Variants in TMEM232 observed in about 807,000 individuals in gnomAD.
TMEM232 encodes transmembrane protein 232.
In TMEM232, 80 loss-of-function variants were observed where a neutral mutation model predicts 78.8. The observed-to-expected ratio is 1.01, with a 90% CI of 0.85 to 1.22. TMEM232 has a LOEUF of 1.22. Among genes scored for constraint, TMEM232 ranks in the 50% most tolerant of loss-of-function variants. The pLI is 0.00. For missense variants in TMEM232, 881 were observed against 742.2 expected (o/e 1.19, Z -2.17); for synonymous variants, 297 against 254.3 (o/e 1.17, Z -1.60).
At chr5:110,562,764 G>A (rs1775898247) in intron 11 of TMEM232, among the ~76,000 whole-genome samples, 1 of 151,806 alleles carries the variant, frequency 6.6e-6, no homozygotes, top group African/African-American at 2.4e-5. Context: ...TATTTTTTCT[G>A]ATTTTGGTGA....
rs115996024 is a variant in TMEM232 at position 110,639,742 on chromosome 5, G to C, written c.343+1149C>G. Among the ~76,000 whole-genome samples, 448 of 152,318 alleles carry C rather than the reference G, an allele frequency of 2.9e-3. 1 individual carries two copies. Among genetic ancestry groups the C allele is most frequent in the African/African-American group, 0.01 (435 of 41,582 alleles). Reference sequence around the variant, plus strand: ...AAAAGGAATTACCATAATTGATTTAGACCAGCAGTCCCCAACCTTTTTGGC... The same window carrying C: ...AAAAGGAATTACCATAATTGATTTACACCAGCAGTCCCCAACCTTTTTGGC... On this transcript the variant is annotated intron_variant, in intron 4 of 13. Transcript: ENST00000455884.
intron 1 of TMEM232, among the ~76,000 whole-genome samples, chr5:110,701,366 C>G (rs1018708966): frequency 2.0e-5 from 3 of 151,832 alleles, no homozygotes; most frequent in Non-Finnish European, 4.4e-5. Context: ...AAACAGGAAG[C>G]TGTAATAGGA....
intron 12 of TMEM232, among the ~76,000 whole-genome samples, chr5:110,500,552 T>C (rs193232026): frequency 2.6e-5 from 4 of 152,126 alleles, no homozygotes; most frequent in African/African-American, 4.8e-5. Flanking sequence ...GGGAAATTTA[T>C]AGCAGTGAAG....
chr5:110,576,244 T>TCC (rs1450631688), intron 10 of TMEM232, among the ~76,000 whole-genome samples: 1 of 151,854 alleles, frequency 6.6e-6, no homozygotes, highest in Non-Finnish European at 1.5e-5. Context: ...CCAAAAGCGG[T>TCC]CCAGCCTAAG....
At chr5:110,701,670 T>C (rs1229277865) in intron 1 of TMEM232, among the ~76,000 whole-genome samples, 1 of 152,038 alleles carries the variant, frequency 6.6e-6, no homozygotes, top group Non-Finnish European at 1.5e-5. Flanking sequence ...TTACCTGAGA[T>C]GGCTTTCAAT....
intron 1 of TMEM232, among the ~76,000 whole-genome samples, chr5:110,675,013 C>CTATT (rs34606644): frequency 0.089 from 13,273 of 149,316 alleles, 722 homozygotes; most frequent in African/African-American, 0.15. Flanking sequence ...TGTTATTATT[C>CTATT]TATTTATTTA....
At chr5:110,474,778 T>G (rs1055370023) in intron 12 of TMEM232, among the ~76,000 whole-genome samples, 3 of 151,800 alleles carry the variant, frequency 2.0e-5, no homozygotes, top group African/African-American at 4.8e-5. Context: ...AAATAAAAAT[T>G]TAAAAGATGT....
chr5:110,526,563 T>C lies in TMEM232; in HGVS notation c.1703+2025A>G, dbSNP rs147609029. Among the ~76,000 whole-genome samples the C allele has an allele frequency of 5.6e-3, 850 of 152,086 alleles. 4 individuals carry two copies. The highest frequency in any genetic ancestry group is 9.1e-3 in the Non-Finnish European group (619 of 67,852). On this transcript the variant is annotated intron_variant, in intron 12 of 13. Coordinates refer to ENST00000455884, the MANE Select transcript of TMEM232 (RefSeq NM_001039763.4). ...CCCAAATGTTGTCAACACCCTCCGT[T>C]GGGAAGACTAAAGAAAAACAGGCAC...
chr5:110,496,337 A>G (rs1765642812), intron 12 of TMEM232, among the ~76,000 whole-genome samples: 1 of 151,998 alleles, frequency 6.6e-6, no homozygotes, highest in Non-Finnish European at 1.5e-5. Context: ...AAGCTGCAAA[A>G]TTTTAATGTA....
chr5:110,594,127 G>A (rs1430518719), intron 10 of TMEM232, among the ~76,000 whole-genome samples: 1 of 151,828 alleles, frequency 6.6e-6, no homozygotes, highest in Non-Finnish European at 1.5e-5. Flanking sequence ...ATTGGGACTG[G>A]TTAGACAGTG....
intron 1 of TMEM232, among the ~76,000 whole-genome samples, chr5:110,708,290 C>T (rs1309783474): frequency 6.6e-6 from 1 of 152,130 alleles, no homozygotes; most frequent in Non-Finnish European, 1.5e-5. Context: ...CCAAGGCAAA[C>T]ACAAGTTGAG....
intron 6 of TMEM232, among the ~76,000 whole-genome samples, chr5:110,627,148 T>C (rs1784517144): frequency 6.6e-6 from 1 of 152,054 alleles, no homozygotes; most frequent in Non-Finnish European, 1.5e-5. Context: ...CATCATTATC[T>C]TAATTCTATT....
At chr5:110,521,624 G>C (rs1459097881) in intron 12 of TMEM232, among the ~76,000 whole-genome samples, 1 of 152,132 alleles carries the variant, frequency 6.6e-6, no homozygotes, top group Non-Finnish European at 1.5e-5. Context: ...ATTTGGATCT[G>C]CTTTTTGTGC....
chr5:110,691,053 C>A (rs1293819282), intron 1 of TMEM232, among the ~76,000 whole-genome samples: 1 of 150,830 alleles, frequency 6.6e-6, no homozygotes, highest in African/African-American at 2.4e-5. Context: ...AGCAAACCAC[C>A]ATGGCATGTG....
intron 1 of TMEM232, among the ~76,000 whole-genome samples, chr5:110,712,682 G>T (rs1468497474): frequency 6.6e-6 from 1 of 152,056 alleles, no homozygotes; most frequent in Non-Finnish European, 1.5e-5. Flanking sequence ...TATAAATATT[G>T]TGTTTTGTAT....
intron 1 of TMEM232, among the ~76,000 whole-genome samples, chr5:110,672,089 G>A (rs1023512895): frequency 6.6e-6 from 1 of 152,126 alleles, no homozygotes; most frequent in African/African-American, 2.4e-5. Context: ...TGGTTTTCAT[G>A]TACATTATGT....
chr5:110,565,900 CA>C (rs1351071775), intron 11 of TMEM232, among the ~76,000 whole-genome samples: 2 of 151,852 alleles, frequency 1.3e-5, no homozygotes, highest in Non-Finnish European at 2.9e-5. Flanking sequence ...ATCCTTTCTA[CA>C]GTCAATTTTC....
intron 1 of TMEM232, among the ~76,000 whole-genome samples, chr5:110,697,682 C>A (rs1447402114): frequency 1.3e-5 from 2 of 152,266 alleles, no homozygotes; most frequent in African/African-American, 4.8e-5. Flanking sequence ...TATGCAGCAA[C>A]AGACACATAA....
chr5:110,678,310 CT>C (rs1006490912), intron 1 of TMEM232, among the ~76,000 whole-genome samples: 5 of 152,240 alleles, frequency 3.3e-5, no homozygotes, highest in African/African-American at 1.2e-4. Flanking sequence ...GGTGATTCCC[CT>C]GCCTCAGCCT....
Sources: gnomAD v4.1 joint callset for allele counts (sites outside exome capture counted in the v4.1 genomes callset) on GRCh38, gnomAD v4.1.1 for gene constraint, MANE v1.5 for transcripts, NCBI Gene and HGNC (gene_info 2026-07-23, HGNC 2026-07-21) for gene names.